Variants in DDX60 observed in about 807,000 individuals in gnomAD.
The protein encoded by DDX60 is probable ATP-dependent RNA helicase DDX60.
In DDX60, 165 loss-of-function variants were observed where a neutral mutation model predicts 212.8. The observed-to-expected ratio is 0.78, with a 90% CI of 0.68 to 0.88. DDX60 has a LOEUF of 0.88. Among genes scored for constraint, DDX60 ranks in the 40% least tolerant of loss-of-function variants. DDX60 has a pLI of 0.00. For synonymous variants in DDX60, 703 were observed against 685.3 expected (o/e 1.03, Z -0.40); for missense variants, 1,905 against 2,003.9 (o/e 0.95, Z 0.94).
chr4:168,221,960 T>C (rs1160944794), intron 35 of DDX60, 79 bp from the exon 36 acceptor site: 2 of 1,418,452 alleles, frequency 1.4e-6, no homozygotes, highest in Non-Finnish European at 1.9e-6. Flanking sequence ...GCTTTGTAGA[T>C]ACATCCTTTA....
chr4:168,306,861 C>T (rs975109246), intron 4 of DDX60, 141 bp from the exon 5 acceptor site: 21 of 642,938 alleles, frequency 3.3e-5, no homozygotes, highest in African/African-American at 1.8e-4. Context: ...GACCCCTAAA[C>T]TTTACTACCA....
At chr4:168,288,336 C>A (rs534440435) in intron 8 of DDX60, 21 bp from the exon 9 acceptor site, 20 of 1,434,174 alleles carry the variant, frequency 1.4e-5, no homozygotes, top group South Asian at 1.1e-4. Flanking sequence ...AAAAGAAAAC[C>A]AAGTTATTGG....
Position 168,306,605 on chromosome 4 carries a change from A to T in DDX60, c.380T>A (p.Leu127Ter). Residue 127 changes from leucine to a stop codon, truncating the protein, a stop_gained, in exon 5 of 38, where the codon TTA becomes TAA. Coordinates refer to ENST00000393743, the MANE Select transcript of DDX60 (RefSeq NM_017631.6). LOFTEE classifies it high-confidence loss of function. Reference sequence around the variant, plus strand: ...CAAGAAACTTCCCCACTCTTTTGATAAGCATCTCGAAAATGTTGTTCGAAC... The same window carrying T: ...CAAGAAACTTCCCCACTCTTTTGATTAGCATCTCGAAAATGTTGTTCGAAC... Reference protein sequence around the residue: ...IDVRTTFSRCLSKEWGSFLEE... With the variant: ...IDVRTTFSRC 1 of 1,614,162 alleles carries T rather than the reference A, an allele frequency of 6.2e-7. No individual in the cohort carries two copies. The highest frequency in any genetic ancestry group is 8.5e-7 in the Non-Finnish European group (1 of 1,179,984).
At chr4:168,316,296 C>T (rs777849593) in intron 1 of DDX60, among the ~76,000 whole-genome samples, 7 of 152,164 alleles carry the variant, frequency 4.6e-5, no homozygotes, top group Non-Finnish European at 1.0e-4. Context: ...ATAATTTTGT[C>T]ACTGCTGTTT....
At chr4:168,300,637 A>C (rs1328623567) in intron 6 of DDX60, among the ~76,000 whole-genome samples, 1 of 151,744 alleles carries the variant, frequency 6.6e-6, no homozygotes, top group Non-Finnish European at 1.5e-5. Flanking sequence ...TACCTTTCAC[A>C]TACCTTTCAA....
chr4:168,279,512 T>C (rs1735495915), intron 14 of DDX60, among the ~76,000 whole-genome samples: 1 of 152,244 alleles, frequency 6.6e-6, no homozygotes, highest in South Asian at 2.1e-4. Flanking sequence ...TTATTCACTA[T>C]TGCTGATGCA....
chr4:168,272,178 CT>C, intron 18 of DDX60, 40 bp from the exon 19 acceptor site: 1 of 1,473,602 alleles, frequency 6.8e-7, no homozygotes, highest in South Asian at 1.2e-5. Flanking sequence ...ATTTTGAGCA[CT>C]TACTATGTGT....
intron 3 of DDX60, among the ~76,000 whole-genome samples, chr4:168,310,486 G>T (rs1737081508): frequency 6.6e-6 from 1 of 152,136 alleles, no homozygotes; most frequent in African/African-American, 2.4e-5. Context: ...GCCTTTGAAG[G>T]CATGTTTTGG....
intron 30 of DDX60, among the ~76,000 whole-genome samples, chr4:168,241,824 A>C (rs1490119488): frequency 6.6e-6 from 1 of 152,168 alleles, no homozygotes; most frequent in African/African-American, 2.4e-5. Context: ...TAGGGAGCCA[A>C]ACATTAATCA....
intron 18 of DDX60, among the ~76,000 whole-genome samples, chr4:168,272,595 TAAGGACTGC>T (rs1206940878): frequency 5.9e-5 from 9 of 152,082 alleles, no homozygotes; most frequent in African/African-American, 2.2e-4. Flanking sequence ...AGTTCTGGAG[TAAGGACTGC>T]TGTCAGAGTT....
At chr4:168,259,478 C>A (rs1212725057) in intron 25 of DDX60, among the ~76,000 whole-genome samples, 2 of 152,108 alleles carry the variant, frequency 1.3e-5, no homozygotes, top group Non-Finnish European at 2.9e-5. Flanking sequence ...CACAATCTTA[C>A]ATTCACCCAT....
intron 7 of DDX60, among the ~76,000 whole-genome samples, chr4:168,292,539 G>A (rs1252162114): frequency 2.0e-5 from 3 of 152,102 alleles, no homozygotes; most frequent in Admixed American, 6.6e-5. Flanking sequence ...TAATAAAGTC[G>A]TAATTTCACA....
At chr4:168,319,220 C>A (rs968815033), upstream of DDX60, among the ~76,000 whole-genome samples, 6 of 151,644 alleles carry the variant, frequency 4.0e-5, no homozygotes, top group East Asian at 3.9e-4. Context: ...CTAAAAAAAA[C>A]CTTAAAAGAG....
At chr4:168,264,540 T>G (rs908275327) in intron 22 of DDX60, among the ~76,000 whole-genome samples, 1 of 122,808 alleles carries the variant, frequency 8.1e-6, no homozygotes, top group Non-Finnish European at 1.7e-5. Context: ...CTTCTGTTTT[T>G]GGTTGCTAGC....
intron 8 of DDX60, among the ~76,000 whole-genome samples, chr4:168,290,577 G>A (rs1211005320): frequency 1.3e-5 from 2 of 151,876 alleles, no homozygotes; most frequent in African/African-American, 4.8e-5. Context: ...CTGACCTCAT[G>A]ATCCTCCTGA....
At chr4:168,225,483 T>C in intron 34 of DDX60, 46 bp downstream of exon 34, 2 of 1,529,426 alleles carry the variant, frequency 1.3e-6, no homozygotes, top group Admixed American at 2.0e-5. Context: ...TAGGCAAGAT[T>C]ATTTATTCTT....
chr4:168,276,088 T>A lies in DDX60; in HGVS notation c.2072A>T (p.Asp691Val). ...AAGGCATCTGGCTATGAGTTGCCGATCATCTTCTTGTAAAAGTTCTGAGTA... is the reference window on the plus strand; with the variant it reads ...AAGGCATCTGGCTATGAGTTGCCGAACATCTTCTTGTAAAAGTTCTGAGTA... ...EKYSELLQEDDRQLIARCLKY... is the reference protein window; with the variant it reads ...EKYSELLQEDVRQLIARCLKY... The change falls in exon 15 of 38, where the codon GAT (aspartate) becomes GTT (valine). Residue 691 changes from aspartate (D) to valine (V), a missense_variant. Coordinates refer to ENST00000393743, the MANE Select transcript of DDX60 (RefSeq NM_017631.6). 1 of 1,613,844 alleles carries A rather than the reference T, an allele frequency of 6.2e-7. No homozygotes were observed. The highest frequency in any genetic ancestry group is 1.7e-5 in the Admixed American group (1 of 60,020).
chr4:168,217,407 C>T (rs983003952), intron 37 of DDX60, among the ~76,000 whole-genome samples: 2 of 152,116 alleles, frequency 1.3e-5, no homozygotes, highest in African/African-American at 4.8e-5. Flanking sequence ...TATACTGAAA[C>T]CCACAGGCAG....
At chr4:168,286,429 G>C (rs76593627) in intron 10 of DDX60, among the ~76,000 whole-genome samples, 183 of 54,522 alleles carry the variant, frequency 3.4e-3, no homozygotes, top group African/African-American at 0.016. Flanking sequence ...ACACGAGATA[G>C]ATAGATAGAT....
Sources: gnomAD v4.1 joint callset for allele counts (sites outside exome capture counted in the v4.1 genomes callset) on GRCh38, gnomAD v4.1.1 for gene constraint, MANE v1.5 for transcripts, NCBI Gene and HGNC (gene_info 2026-07-23, HGNC 2026-07-21) for gene names.